The following DIAPH2 variants were observed in gnomAD, a reference collection of about 807,000 sequenced individuals.
DIAPH2 encodes diaphanous related formin 2.
DIAPH2 carries 35 observed loss-of-function variants against 92.7 expected under a neutral mutation model. That is an observed-to-expected ratio of 0.38 (90% CI 0.29 to 0.50). DIAPH2 has a LOEUF of 0.50. Among genes scored for constraint, DIAPH2 ranks in the 20% least tolerant of loss-of-function variants. The pLI is 0.94. For synonymous variants in DIAPH2, 301 were observed against 280.4 expected (o/e 1.07, Z -0.73); for missense variants, 701 against 819.5 (o/e 0.86, Z 1.77).
chrX:96,965,021 G>A, intron 16 of DIAPH2, 72 bp from the exon 17 acceptor site: 1 of 1,063,246 alleles, frequency 9.4e-7, no homozygotes, highest in Non-Finnish European at 1.2e-6. Flanking sequence ...CAACCTTGCT[G>A]AAAGTTAGTT....
chrX:97,501,484 TAA>T (rs2070797774), intron 26 of DIAPH2, among the ~76,000 whole-genome samples: 1 of 112,411 alleles, frequency 8.9e-6, no homozygotes, highest in African/African-American at 3.2e-5. Context: ...ACATTATTTT[TAA>T]AAGACAAGTA....
chrX:97,284,930 T>G (rs371337848), intron 23 of DIAPH2, among the ~76,000 whole-genome samples: 263 of 111,757 alleles, frequency 2.4e-3, no homozygotes, highest in African/African-American at 7.9e-3. Context: ...AATAAAAGCA[T>G]TCAACCCCAC....
At chrX:97,492,339 G>A (rs997563754) in intron 26 of DIAPH2, among the ~76,000 whole-genome samples, 1 of 111,312 alleles carries the variant, frequency 9.0e-6, no homozygotes, top group Non-Finnish European at 1.9e-5. Flanking sequence ...GGAAGCTGAG[G>A]TGGGAGAATC....
intron 4 of DIAPH2, among the ~76,000 whole-genome samples, chrX:96,810,230 T>A (rs1176739174): frequency 8.0e-5 from 9 of 112,403 alleles, no homozygotes; most frequent in Non-Finnish European, 1.5e-4. Context: ...TGAGATGGTA[T>A]CTCATTGTGG....
At chrX:97,439,408 A>T (rs2070229194) in intron 26 of DIAPH2, among the ~76,000 whole-genome samples, 2 of 110,521 alleles carry the variant, frequency 1.8e-5, no homozygotes, top group African/African-American at 6.6e-5. Flanking sequence ...CCACATCTCT[A>T]CTAAAAATAC....
At chrX:97,346,798 T>C (rs147163696) in intron 23 of DIAPH2, among the ~76,000 whole-genome samples, 1,267 of 111,337 alleles carry the variant, frequency 0.011, 17 homozygotes, top group African/African-American at 0.04. Context: ...GACATTCTTT[T>C]CCTTCAGGTA....
chrX:97,376,671 C>T (rs2069503935), intron 24 of DIAPH2, among the ~76,000 whole-genome samples: 2 of 112,245 alleles, frequency 1.8e-5, no homozygotes, highest in South Asian at 7.4e-4. Flanking sequence ...CAAACCAACA[C>T]TGTGAAGTAC....
chrX:97,005,864 T>C (rs893114925), intron 17 of DIAPH2, among the ~76,000 whole-genome samples: 1 of 110,190 alleles, frequency 9.1e-6, no homozygotes, highest in Non-Finnish European at 1.9e-5. Flanking sequence ...TTGATCTTGC[T>C]TTCCTAGTTC....
At chrX:97,577,855 C>T (rs1451167499) in intron 26 of DIAPH2, among the ~76,000 whole-genome samples, 1 of 111,931 alleles carries the variant, frequency 8.9e-6, no homozygotes, top group Non-Finnish European at 1.9e-5. Flanking sequence ...CACATGTATT[C>T]TAATCTGCCG....
chrX:96,812,634 T>A lies in DIAPH2; in HGVS notation c.447+54376T>A, dbSNP rs1457059239. 3.6e-5 allele frequency among the ~76,000 whole-genome samples: 4 copies of A among 112,223 alleles called. No homozygotes were observed. In the South Asian group the frequency reaches 1.5e-3, roughly 42 times the overall value. On this transcript the variant is annotated intron_variant, in intron 4 of 26. Coordinates refer to ENST00000324765, the MANE Select transcript of DIAPH2 (RefSeq NM_006729.5). ...TATTAGGGTGTCAATTTTAGATCTT[T>A]CCTGCTTTCTCTTGTGGGCATTTAG...
chrX:97,350,155 C>T lies in DIAPH2; in HGVS notation c.3009+1875C>T, dbSNP rs189106261. ...TGAAACCCTGTCTCTACTAATAATACAAAAATTAGCCGGTCGTGGTGGCGG... is the reference window on the plus strand; with the variant it reads ...TGAAACCCTGTCTCTACTAATAATATAAAAATTAGCCGGTCGTGGTGGCGG... On this transcript the variant is annotated intron_variant, in intron 24 of 26. Transcript: ENST00000324765. Among the ~76,000 whole-genome samples the T allele has an allele frequency of 6.6e-3, 723 of 109,973 alleles. 6 individuals carry two copies. The highest frequency in any genetic ancestry group is 0.023 in the African/African-American group (689 of 30,239).
At chrX:96,914,141 G>A (rs2065487387) in intron 7 of DIAPH2, among the ~76,000 whole-genome samples, 1 of 110,781 alleles carries the variant, frequency 9.0e-6, no homozygotes, top group Non-Finnish European at 1.9e-5. Context: ...ATACATACAT[G>A]TATCAGCAAA....
intron 26 of DIAPH2, among the ~76,000 whole-genome samples, chrX:97,598,639 T>G (rs1405108819): frequency 2.7e-5 from 3 of 111,800 alleles, no homozygotes; most frequent in African/African-American, 9.8e-5. Flanking sequence ...AGTTTTGTTA[T>G]CTCTATAATA....
intron 21 of DIAPH2, among the ~76,000 whole-genome samples, chrX:97,125,717 A>G (rs2067089830): frequency 9.0e-6 from 1 of 111,170 alleles, no homozygotes; most frequent in Non-Finnish European, 1.9e-5. Context: ...TTCATTTTAA[A>G]AAAATTATCC....
chrX:96,704,586 G>C (rs1029245041), intron 1 of DIAPH2, among the ~76,000 whole-genome samples: 1 of 111,884 alleles, frequency 8.9e-6, no homozygotes, highest in African/African-American at 3.3e-5. Context: ...TTGCCAAAAA[G>C]GTTGGGGCTG....
At chrX:96,891,241 C>A (rs2065304985) in intron 5 of DIAPH2, among the ~76,000 whole-genome samples, 1 of 112,250 alleles carries the variant, frequency 8.9e-6, no homozygotes, top group Admixed American at 9.5e-5. Context: ...GAATCATATT[C>A]ACAATCCACA....
chrX:97,379,403 C>T (rs1484409171), intron 24 of DIAPH2, among the ~76,000 whole-genome samples: 1 of 112,182 alleles, frequency 8.9e-6, no homozygotes, highest in Non-Finnish European at 1.9e-5. Flanking sequence ...ATAATCACAG[C>T]TACTATATAA....
chrX:97,410,107 C>A (rs752670415), intron 25 of DIAPH2, among the ~76,000 whole-genome samples: 255 of 112,248 alleles, frequency 2.3e-3, no homozygotes, highest in Non-Finnish European at 4.0e-3. Context: ...CTGGGAGACA[C>A]CTCCCAGTTT....
intron 23 of DIAPH2, among the ~76,000 whole-genome samples, chrX:97,312,208 G>C: frequency 9.0e-6 from 1 of 110,802 alleles, no homozygotes; most frequent in Non-Finnish European, 1.9e-5. Flanking sequence ...AGGACAGCTT[G>C]GAGGTTAAAA....
Sources: allele counts gnomAD v4.1 joint callset (sites outside exome capture counted in the v4.1 genomes callset), GRCh38; gene constraint gnomAD v4.1.1; transcripts MANE v1.5; gene names NCBI Gene and HGNC (gene_info 2026-07-23, HGNC 2026-07-21).